RERE: variants seen among roughly 807,000 people sequenced by gnomAD.
RERE encodes the protein arginine-glutamic acid dipeptide repeats.
In RERE, 40 loss-of-function variants were observed where a neutral mutation model predicts 146.1. That is an observed-to-expected ratio of 0.27 (90% CI 0.21 to 0.36). The LOEUF (loss-of-function observed/expected upper bound fraction) is 0.36, where lower values mean the gene tolerates loss of function less well. Among genes scored for constraint, RERE ranks in the 10% least tolerant of loss-of-function variants. The pLI is 1.00. For synonymous variants in RERE, 1,003 were observed against 866.0 expected, an observed-to-expected ratio of 1.16 and a Z score of -2.78; for missense variants, 1,933 against 2,138.7, an observed-to-expected ratio of 0.90 and a Z score of 1.90.
chr1:8,687,855 ATATTCT>A (rs1324293399), intron 1 of RERE, among the ~76,000 whole-genome samples: 1 of 152,238 alleles, frequency 6.6e-6, no homozygotes, highest in African/African-American at 2.4e-5. Flanking sequence ...AAAACATCTT[ATATTCT>A]TATTCACAGA....
At chr1:8,754,118 T>C (rs1382348464) in intron 1 of RERE, among the ~76,000 whole-genome samples, 2 of 152,202 alleles carry the variant, frequency 1.3e-5, no homozygotes, top group African/African-American at 2.4e-5. Context: ...CATGATGTCT[T>C]GTAAAGGTTG....
chr1:8,604,203 T>C (rs944359855), intron 4 of RERE, among the ~76,000 whole-genome samples: 2 of 152,262 alleles, frequency 1.3e-5, no homozygotes, highest in South Asian at 4.1e-4. Flanking sequence ...AACTAGTCAA[T>C]GGGTAACCAA....
chr1:8,721,805 G>A (rs1036074976), intron 1 of RERE, among the ~76,000 whole-genome samples: 3 of 152,260 alleles, frequency 2.0e-5, no homozygotes, highest in African/African-American at 7.2e-5. Flanking sequence ...GGGTCCCTCA[G>A]TGCTAGCTAA....
intron 4 of RERE, among the ~76,000 whole-genome samples, chr1:8,607,512 A>G (rs935577967): frequency 4.4e-5 from 5 of 113,790 alleles, no homozygotes; most frequent in African/African-American, 1.7e-4. Context: ...GAAGCCCCGC[A>G]TATTTGTTTT....
At chr1:8,419,474 A>G (rs1024142553) in intron 12 of RERE, among the ~76,000 whole-genome samples, 1 of 152,342 alleles carries the variant, frequency 6.6e-6, no homozygotes, top group East Asian at 1.9e-4. Context: ...AAGCTTCAAG[A>G]CGGACGTTGT....
intron 11 of RERE, among the ~76,000 whole-genome samples, chr1:8,426,432 C>G (rs944944823): frequency 7.1e-6 from 1 of 141,068 alleles, no homozygotes; most frequent in African/African-American, 2.7e-5. Flanking sequence ...CCAGCCTGGG[C>G]GACAGAGACT....
intron 4 of RERE, among the ~76,000 whole-genome samples, chr1:8,607,353 C>A (rs1212030120): frequency 1.4e-5 from 2 of 147,282 alleles, no homozygotes; most frequent in Admixed American, 6.7e-5. Context: ...CAGGGAGATA[C>A]CCTGTCTCCA....
At position 8,454,540 on chromosome 1, in the gene RERE, C is replaced by T. The variant is rs139928427; in HGVS notation, c.1203+11385G>A. Among the ~76,000 whole-genome samples, 797 of 151,242 alleles carry T rather than the reference C, an allele frequency of 5.3e-3. 8 individuals are homozygous for T. Among genetic ancestry groups the T allele is most frequent in the African/African-American group, 0.019 (766 of 41,230 alleles). On this transcript the variant is annotated intron_variant, in intron 11 of 22. Coordinates refer to ENST00000400908, the MANE Select transcript of RERE (RefSeq NM_001042681.2). ...ACTTAAGACTTGCTGGGTGTGGTGG[C>T]TCACGCCTGTAATGCCAGCACTTTG... is the stretch of plus-strand genomic sequence containing the variant.
intron 10 of RERE, among the ~76,000 whole-genome samples, chr1:8,489,208 T>TA (rs1410713209): frequency 6.6e-6 from 1 of 151,286 alleles, no homozygotes; most frequent in South Asian, 2.1e-4. Flanking sequence ...ACAAAAACTC[T>TA]AAAAAAAATT....
rs560529409 is a variant in RERE at position 8,603,863 on chromosome 1, C to T, written c.522+10698G>A. ...GTCCCAGCTACTCAGGAGGTTGAGA[C>T]AGAGAGGCCGAGGCTGTAGTGAGCC... is the stretch of plus-strand genomic sequence containing the variant. On this transcript the variant is annotated intron_variant, in intron 4 of 22. Coordinates refer to ENST00000400908, the MANE Select transcript of RERE (RefSeq NM_001042681.2). 2.6e-3 allele frequency among the ~76,000 whole-genome samples: 371 copies of T among 141,286 alleles called. 2 individuals are homozygous for T. The highest frequency in any genetic ancestry group is 3.7e-3 in the Non-Finnish European group (250 of 66,902). 92.7% of individuals were successfully genotyped at this position (141,286 alleles called of 152,430 possible). A position where few individuals can be genotyped will look rare whatever the true frequency, so the allele number is the denominator to read the frequency against.
At chr1:8,583,212 C>T (rs1225543930) in intron 4 of RERE, among the ~76,000 whole-genome samples, 1 of 152,176 alleles carries the variant, frequency 6.6e-6, no homozygotes, top group African/African-American at 2.4e-5. Flanking sequence ...GCATAGTTTA[C>T]AAATGTCCCT....
At chr1:8,528,748 C>CTA (rs1645600571) in intron 7 of RERE, among the ~76,000 whole-genome samples, 1 of 152,152 alleles carries the variant, frequency 6.6e-6, no homozygotes. Context: ...AAACACTCTT[C>CTA]TAACCCCAAG....
chr1:8,600,227 C>T (rs965082355), intron 4 of RERE, among the ~76,000 whole-genome samples: 3 of 152,252 alleles, frequency 2.0e-5, no homozygotes, highest in Middle Eastern at 3.4e-3. Context: ...TGTGAGAGTC[C>T]ATTAAACCTC....
intron 11 of RERE, among the ~76,000 whole-genome samples, chr1:8,439,480 C>G (rs1644216997): frequency 6.6e-6 from 1 of 152,176 alleles, no homozygotes; most frequent in African/African-American, 2.4e-5. Flanking sequence ...TAATGAATGT[C>G]AAGATGTTAA....
At chr1:8,462,689 T>A (rs1644542174) in intron 11 of RERE, among the ~76,000 whole-genome samples, 1 of 152,178 alleles carries the variant, frequency 6.6e-6, no homozygotes, top group Admixed American at 6.5e-5. Flanking sequence ...TCAAGACTGT[T>A]GTAGTCAGAT....
chr1:8,664,564 C>T (rs184218560), intron 1 of RERE, among the ~76,000 whole-genome samples: 1 of 152,214 alleles, frequency 6.6e-6, no homozygotes, highest in African/African-American at 2.4e-5. Context: ...GCATACTCTG[C>T]GTGCACCACC....
chr1:8,461,506 C>T (rs1644526294), intron 11 of RERE, among the ~76,000 whole-genome samples: 1 of 152,142 alleles, frequency 6.6e-6, no homozygotes, highest in African/African-American at 2.4e-5. Flanking sequence ...TGCTCACAGA[C>T]ACTCGGCAAA....
At chr1:8,772,477 C>A (rs1158524611) in intron 1 of RERE, among the ~76,000 whole-genome samples, 1 of 151,898 alleles carries the variant, frequency 6.6e-6, no homozygotes, top group Non-Finnish European at 1.5e-5. Context: ...TCAGTGTTTC[C>A]AAGAAGAAGA....
chr1:8,697,611 G>A (rs991766283), intron 1 of RERE, among the ~76,000 whole-genome samples: 8 of 152,098 alleles, frequency 5.3e-5, no homozygotes, highest in Non-Finnish European at 1.2e-4. Context: ...GGACGGTCTC[G>A]ATCTCCTGAC....
Sources: gnomAD v4.1 joint callset for allele counts (sites outside exome capture counted in the v4.1 genomes callset) on GRCh38, gnomAD v4.1.1 for gene constraint, MANE v1.5 for transcripts, NCBI Gene and HGNC (gene_info 2026-07-23, HGNC 2026-07-21) for gene names.